FMN1: variants seen among roughly 807,000 people sequenced by gnomAD.
FMN1 encodes the protein formin-1.
In FMN1, 110 loss-of-function variants were observed where a neutral mutation model predicts 132.4. The ratio of observed to expected loss-of-function variants is 0.83; its 90% CI spans 0.71 to 0.97. The LOEUF (loss-of-function observed/expected upper bound fraction) is 0.97, where lower values mean the gene tolerates loss of function less well. Ranked by LOEUF, FMN1 falls within the 50% of genes least tolerant of loss-of-function variation. The pLI is 0.00. For synonymous variants in FMN1, 722 were observed against 651.7 expected (o/e 1.11, Z -1.64); for missense variants, 1,792 against 1,705.3 (o/e 1.05, Z -0.90).
chr15:33,120,804 C>G (rs1962482568), intron 4 of FMN1, among the ~76,000 whole-genome samples: 2 of 151,926 alleles, frequency 1.3e-5, no homozygotes, highest in East Asian at 1.9e-4. Context: ...TATGAACATT[C>G]TTGCATGTTT....
intron 9 of FMN1, among the ~76,000 whole-genome samples, chr15:32,940,031 T>G (rs2061365712): frequency 6.6e-6 from 1 of 152,188 alleles, no homozygotes; most frequent in Non-Finnish European, 1.5e-5. Context: ...TAGCATTCTG[T>G]GCTATTTTGA....
chr15:32,951,736 A>G lies in FMN1; in HGVS notation c.3138+12371T>C, dbSNP rs75064749. On this transcript the variant is annotated intron_variant, in intron 9 of 20. Transcript: ENST00000616417. ...CACAACCACCTTTGAAGCAGACATT[A>G]ATATTACTCTTTCTTTACAGATGAG... Among the ~76,000 whole-genome samples the G allele has an allele frequency of 9.4e-3, 1,433 of 152,290 alleles. 36 individuals carry two copies. Among genetic ancestry groups the G allele is most frequent in the Admixed American group, 0.06 (914 of 15,288 alleles).
intron 4 of FMN1, among the ~76,000 whole-genome samples, chr15:33,109,477 G>T (rs933416337): frequency 6.6e-5 from 10 of 151,998 alleles, no homozygotes; most frequent in African/African-American, 9.7e-5. Context: ...AGAAAATGTG[G>T]TATATATAAC....
intron 4 of FMN1, among the ~76,000 whole-genome samples, chr15:33,104,948 G>A (rs1007602737): frequency 3.9e-5 from 6 of 152,096 alleles, no homozygotes; most frequent in Non-Finnish European, 4.4e-5. Context: ...TCTGTGATAA[G>A]CAATAAGCAA....
rs199507823 is a variant in FMN1, at chr15:32,902,032, T to A, written c.3386A>T (p.His1129Leu). The change falls in exon 13 of 21, where the codon CAT becomes CTT. Residue 1129 changes from histidine to leucine, a missense_variant. Transcript: ENST00000616417. ...AAAATTAGGAATCTGGGCTAACTCA[T>A]GTAAAAATCTGTAAAAAAGAAAATG... ...KLLDKPEQFL[H>L]ELAQIPNFAE... is the part of the protein sequence containing the mutation. 8.7e-6 allele frequency: 14 copies of A among 1,604,922 alleles called. No homozygotes were observed. The Admixed American group carries it at 1.4e-4, about 16-fold the overall frequency.
intron 9 of FMN1, among the ~76,000 whole-genome samples, chr15:32,939,452 T>A (rs2140432033): frequency 6.6e-6 from 1 of 152,282 alleles, no homozygotes; most frequent in African/African-American, 2.4e-5. Context: ...GACAAAGATT[T>A]TTTTTTTAAT....
At chr15:33,128,771 T>G (rs568593511) in intron 4 of FMN1, among the ~76,000 whole-genome samples, 27 of 152,216 alleles carry the variant, frequency 1.8e-4, no homozygotes, top group Admixed American at 1.8e-3. Flanking sequence ...AAAAGTGGTA[T>G]GGACCCAAAC....
chr15:32,878,417 C>T (rs574043385), intron 16 of FMN1, among the ~76,000 whole-genome samples: 3 of 152,144 alleles, frequency 2.0e-5, no homozygotes, highest in Non-Finnish European at 4.4e-5. Context: ...AGAGTGGAAG[C>T]AGAGAAACCT....
At chr15:33,009,281 G>A (rs1049249868) in intron 6 of FMN1, among the ~76,000 whole-genome samples, 3 of 152,128 alleles carry the variant, frequency 2.0e-5, no homozygotes, top group Non-Finnish European at 4.4e-5. Context: ...TTCTGGTAGG[G>A]TGCCTGCTTC....
intron 6 of FMN1, among the ~76,000 whole-genome samples, chr15:33,030,429 C>T (rs1027875280): frequency 2.0e-5 from 3 of 152,206 alleles, no homozygotes; most frequent in African/African-American, 7.2e-5. Flanking sequence ...TCACGTCACT[C>T]TGTGGATCTA....
intron 4 of FMN1, chr15:33,151,298 T>G: frequency 6.5e-7 from 1 of 1,536,360 alleles, no homozygotes; most frequent in Non-Finnish European, 8.7e-7. Context: ...AGCTTCTTCT[T>G]TTATAAGGTT....
At chr15:33,173,620 T>C (rs2140325904) in intron 3 of FMN1, among the ~76,000 whole-genome samples, 1 of 152,244 alleles carries the variant, frequency 6.6e-6, no homozygotes, top group East Asian at 1.9e-4. Flanking sequence ...GTCCAATTGG[T>C]GAGCACAAAT....
chr15:32,858,200 C>A (rs2059180860), intron 16 of FMN1, among the ~76,000 whole-genome samples: 1 of 152,090 alleles, frequency 6.6e-6, no homozygotes, highest in Admixed American at 6.5e-5. Context: ...AAATTCCTAT[C>A]CAATAATTTG....
At position 32,769,366 on chromosome 15, in the gene FMN1, G is replaced by GA. The variant is rs774672960; in HGVS notation, c.*4943dup. ...GTAGATTGCCCATTCCTTGGGAAGG[G>GA]AGATGAAGAATTGTGAAACCAAAAT... On this transcript the variant is annotated 3_prime_UTR_variant, in exon 21 of 21. Coordinates refer to ENST00000616417, the MANE Select transcript of FMN1 (RefSeq NM_001277313.2). The GA allele has an allele frequency of 6.6e-6, 1 of 152,162 alleles. No individual in the cohort carries two copies. Among genetic ancestry groups the GA allele is most frequent in the Non-Finnish European group, 1.5e-5 (1 of 68,036 alleles). The allele number at this position is 152,162 out of a possible 1,614,324, so 9.4% of individuals were successfully genotyped here.
intron 6 of FMN1, among the ~76,000 whole-genome samples, chr15:33,033,061 C>T (rs138261406): frequency 0.017 from 2,588 of 152,180 alleles, 58 homozygotes; most frequent in South Asian, 0.094. Flanking sequence ...AATGGAGTCT[C>T]GCTCTGTCGC....
At position 32,973,811 on chromosome 15, in the gene FMN1, G is replaced by A. The variant is rs952500192; in HGVS notation, c.2224-4334C>T. On this transcript the variant is annotated intron_variant, in intron 7 of 20. Transcript: ENST00000616417. ...AAGTTCATGCATACCATGCATGGAAGTTTTGGGAAAGCTAATCTTTAAACA... is the reference window on the plus strand; with the variant it reads ...AAGTTCATGCATACCATGCATGGAAATTTTGGGAAAGCTAATCTTTAAACA... 2.0e-5 allele frequency among the ~76,000 whole-genome samples: 3 copies of A among 152,202 alleles called. 1 individual carries two copies. The highest frequency in any genetic ancestry group is 7.2e-5 in the African/African-American group (3 of 41,440).
intron 16 of FMN1, among the ~76,000 whole-genome samples, chr15:32,861,576 C>A (rs1341163113): frequency 1.3e-5 from 2 of 152,180 alleles, no homozygotes; most frequent in Non-Finnish European, 2.9e-5. Context: ...GAATGCCTGG[C>A]ACTCACAAGC....
chr15:33,163,997 TTGA>T (rs1030311998), intron 3 of FMN1, among the ~76,000 whole-genome samples: 3 of 152,060 alleles, frequency 2.0e-5, no homozygotes, highest in African/African-American at 7.2e-5. Context: ...GAAGGAGATA[TTGA>T]TGATACAGTG....
At chr15:33,032,840 T>G (rs542709152) in intron 6 of FMN1, among the ~76,000 whole-genome samples, 1 of 151,434 alleles carries the variant, frequency 6.6e-6, no homozygotes, top group South Asian at 2.1e-4. Flanking sequence ...CAGTGGGACC[T>G]GGGGGGGTTA....
Sources: allele counts gnomAD v4.1 joint callset (sites outside exome capture counted in the v4.1 genomes callset), GRCh38; gene constraint gnomAD v4.1.1; transcripts MANE v1.5; gene names NCBI Gene and HGNC (gene_info 2026-07-23, HGNC 2026-07-21).